Variants in CD86 observed in about 807,000 individuals in gnomAD.
CD86 encodes CD86 molecule, also known as T-lymphocyte activation antigen CD86.
In CD86, 11 loss-of-function variants were observed where a neutral mutation model predicts 32.1. The observed-to-expected ratio is 0.34, with a 90% CI of 0.22 to 0.57. CD86 has a LOEUF of 0.57. CD86 is among the 20% of genes least tolerant of loss of function. The pLI, the probability that CD86 is intolerant of heterozygous loss-of-function variation, is 0.86. For synonymous variants in CD86, 137 were observed against 135.3 expected (o/e 1.01, Z -0.09); for missense variants, 359 against 398.4 (o/e 0.90, Z 0.84).
At chr3:122,087,346 C>T (rs1443054052) in intron 1 of CD86, among the ~76,000 whole-genome samples, 1 of 152,144 alleles carries the variant, frequency 6.6e-6, no homozygotes, top group Non-Finnish European at 1.5e-5. Context: ...TCTCTCCCTC[C>T]GAAGGCAAGA....
At chr3:122,088,050 G>T (rs2072752812) in intron 1 of CD86, among the ~76,000 whole-genome samples, 1 of 152,092 alleles carries the variant, frequency 6.6e-6, no homozygotes, top group Non-Finnish European at 1.5e-5. Context: ...AATATAATTT[G>T]ATTTGTGTCC....
At chr3:122,118,513 G>A (rs1298147789) in intron 6 of CD86, among the ~76,000 whole-genome samples, 1 of 152,228 alleles carries the variant, frequency 6.6e-6, no homozygotes, top group Non-Finnish European at 1.5e-5. Context: ...CTATGGCCCT[G>A]TTTAGATGTT....
intron 3 of CD86, 36 bp downstream of exon 3, chr3:122,103,883 C>A: frequency 1.3e-6 from 2 of 1,527,980 alleles, no homozygotes; most frequent in South Asian, 1.2e-5. Context: ...GATTCTTAGC[C>A]TTCTCAGATG....
chr3:122,098,879 G>A (rs1245961351), intron 2 of CD86, among the ~76,000 whole-genome samples: 1 of 152,178 alleles, frequency 6.6e-6, no homozygotes, highest in Non-Finnish European at 1.5e-5. Context: ...GGGTTGTCTG[G>A]TCATTCCCAG....
rs115801986 is a variant in CD86, at chr3:122,077,174, G to A, written c.15-14427G>A. ...CACACTGAGCAGAGGACTTTGCAGT[G>A]CCTGATCAGGGCAGAAAAAGGAGGC... On this transcript the variant is annotated intron_variant, in intron 1 of 6. Transcript: ENST00000330540. 8.6e-4 allele frequency among the ~76,000 whole-genome samples: 131 copies of A among 152,274 alleles called. 2 individuals are homozygous for A. The highest frequency in any genetic ancestry group is 3.4e-3 in the Middle Eastern group (1 of 294).
At chr3:122,070,071 G>A (rs973874861) in intron 1 of CD86, among the ~76,000 whole-genome samples, 2 of 152,154 alleles carry the variant, frequency 1.3e-5, no homozygotes, top group African/African-American at 4.8e-5. Flanking sequence ...TCAAATAAGT[G>A]TATTTTGCTG....
At chr3:122,112,914 T>C (rs2073197294) in intron 5 of CD86, among the ~76,000 whole-genome samples, 1 of 152,142 alleles carries the variant, frequency 6.6e-6, no homozygotes, top group African/African-American at 2.4e-5. Flanking sequence ...CATGGATAAG[T>C]TATTTAGTGG....
intron 1 of CD86, among the ~76,000 whole-genome samples, chr3:122,079,541 A>C (rs983588378): frequency 2.0e-5 from 3 of 152,192 alleles, no homozygotes; most frequent in Admixed American, 2.0e-4. Flanking sequence ...TCCACAGTCC[A>C]TTCTAGTGCT....
At chr3:122,109,016 G>A (rs2073133504) in intron 4 of CD86, among the ~76,000 whole-genome samples, 1 of 152,130 alleles carries the variant, frequency 6.6e-6, no homozygotes, top group African/African-American at 2.4e-5. Flanking sequence ...CATGGTCGGT[G>A]TTATCCCCAC....
intron 1 of CD86, among the ~76,000 whole-genome samples, chr3:122,076,339 A>T (rs1180153168): frequency 6.6e-6 from 1 of 152,216 alleles, no homozygotes; most frequent in Non-Finnish European, 1.5e-5. Flanking sequence ...GTACAAGGAA[A>T]AGAAGGAAAC....
intron 4 of CD86, among the ~76,000 whole-genome samples, chr3:122,108,434 T>A (rs190407421): frequency 6.6e-6 from 1 of 152,296 alleles, no homozygotes; most frequent in Admixed American, 6.5e-5. Context: ...CAACAACTTC[T>A]TAACATCCCA....
rs554686140 is a variant in CD86 at position 122,110,626 on chromosome 3, C to T, written c.847+1218C>T. 2.6e-5 allele frequency among the ~76,000 whole-genome samples: 4 copies of T among 152,230 alleles called. No individual in the cohort carries two copies. In the East Asian group the frequency reaches 7.7e-4, roughly 29 times the overall value. The stretch of plus-strand genomic sequence containing the variant: ...AAATAAGAAATTGGGGAGCAACGAT[C>T]GAATTTAAATAAATTAACACAAAGC... On this transcript the variant is annotated intron_variant, in intron 5 of 6. Transcript: ENST00000330540.
intron 2 of CD86, among the ~76,000 whole-genome samples, chr3:122,102,506 T>C (rs763359277): frequency 6.8e-6 from 1 of 146,676 alleles, no homozygotes; most frequent in Non-Finnish European, 1.5e-5. Flanking sequence ...ATTTAAGTAG[T>C]TGGGTGGCCC....
rs2073043589 is a variant in CD86 at position 122,103,565 on chromosome 3, T to C, written c.118T>C (p.Cys40Arg). 1 of 1,613,952 alleles carries C rather than the reference T, an allele frequency of 6.2e-7. No individual in the cohort carries two copies. Residue 40 changes from cysteine to arginine, a missense_variant, in exon 3 of 7, where the codon TGC becomes CGC. Transcript: ENST00000330540. ...AYFNETADLP[C>R]QFANSQNQSL... Reference sequence around the variant, plus strand: ...TTTCAATGAGACTGCAGACCTGCCATGCCAATTTGCAAACTCTCAAAACCA... The same window carrying C: ...TTTCAATGAGACTGCAGACCTGCCACGCCAATTTGCAAACTCTCAAAACCA...
intron 1 of CD86, among the ~76,000 whole-genome samples, chr3:122,062,434 C>T (rs2072352863): frequency 6.6e-6 from 1 of 152,144 alleles, no homozygotes. Flanking sequence ...AGGCACTGTG[C>T]TAAACATTAA....
At chr3:122,066,007 G>C (rs1443523260) in intron 1 of CD86, among the ~76,000 whole-genome samples, 1 of 152,150 alleles carries the variant, frequency 6.6e-6, no homozygotes, top group Non-Finnish European at 1.5e-5. Flanking sequence ...GGCTTGTTAA[G>C]TGTTCATGGT....
At chr3:122,093,506 C>T (rs909204079) in intron 2 of CD86, among the ~76,000 whole-genome samples, 5 of 152,152 alleles carry the variant, frequency 3.3e-5, no homozygotes, top group Admixed American at 6.5e-5. Flanking sequence ...GCCTATTGCT[C>T]CTAGGCTACA....
At chr3:122,075,275 T>TGAG (rs1427806597) in intron 1 of CD86, among the ~76,000 whole-genome samples, 1 of 152,082 alleles carries the variant, frequency 6.6e-6, no homozygotes, top group Non-Finnish European at 1.5e-5. Flanking sequence ...TGCCAATGGG[T>TGAG]GAGGGTCCTA....
At position 122,076,646 on chromosome 3, in the gene CD86, G is replaced by A. The variant is rs185949263; in HGVS notation, c.15-14955G>A. 1.5e-4 allele frequency among the ~76,000 whole-genome samples: 23 copies of A among 152,270 alleles called. No individual in the cohort carries two copies. The East Asian group carries it at 4.1e-3, about 27-fold the overall frequency. On this transcript the variant is annotated intron_variant, in intron 1 of 6. Coordinates refer to ENST00000330540, the MANE Select transcript of CD86 (RefSeq NM_175862.5). ...GAAAGGTGAAGGGTTTTACAGGCCT[G>A]TTTACAGACCTCTGTAGTGACAGAA...
Sources: allele counts gnomAD v4.1 joint callset (sites outside exome capture counted in the v4.1 genomes callset), GRCh38; gene constraint gnomAD v4.1.1; transcripts MANE v1.5; gene names NCBI Gene and HGNC (gene_info 2026-07-23, HGNC 2026-07-21).